Variants in CASTOR2 observed in about 807,000 individuals in gnomAD.
The protein encoded by CASTOR2 is GATS protein like 2.
A neutral mutation model predicts 31.2 loss-of-function variants in CASTOR2; 8 were observed. The ratio of observed to expected loss-of-function variants is 0.26; its 90% CI spans 0.15 to 0.46. The LOEUF (loss-of-function observed/expected upper bound fraction) is 0.46. CASTOR2 is among the 20% of genes least tolerant of loss of function. The probability of loss-of-function intolerance (pLI) is 0.99; values close to 1 mark genes in which losing one functional copy is unlikely to be tolerated. For missense variants in CASTOR2, 216 were observed against 382.1 expected, an observed-to-expected ratio of 0.57 and a Z score of 3.62; for synonymous variants, 162 against 158.7, an observed-to-expected ratio of 1.02 and a Z score of -0.16.
In CASTOR2 at chr7:75,017,679, C is replaced by T; in HGVS notation, c.266C>T (p.Ser89Phe). 1 of 1,614,048 alleles carries T rather than the reference C, an allele frequency of 6.2e-7. No homozygotes were observed. Among genetic ancestry groups the T allele is most frequent in the Non-Finnish European group, 8.5e-7 (1 of 1,179,876 alleles). Reference sequence around the variant, plus strand: ...GTGGTGTCCGGCGGTGGCAGCTTCTCCAGCTCCCAGCCCATCGGCGTGACC... The same window carrying T: ...GTGGTGTCCGGCGGTGGCAGCTTCTTCAGCTCCCAGCCCATCGGCGTGACC... ...LNVVSGGGSF[S>F]SSQPIGVTKI... is the part of the protein sequence containing the mutation. The change falls in exon 3 of 9, where the codon TCC (serine) becomes TTC (phenylalanine). Residue 89 changes from serine to phenylalanine, a missense_variant. Transcript: ENST00000616305.
chr7:75,020,311 C>T (rs1007455297), intron 6 of CASTOR2, among the ~76,000 whole-genome samples, 162 bp downstream of exon 6: 119 of 151,648 alleles, frequency 7.8e-4, no homozygotes, highest in African/African-American at 2.7e-3. Context: ...GGTGCGATCT[C>T]GGCTCAAGGC....
At chr7:75,003,037 C>T (rs1200657289) in intron 1 of CASTOR2, among the ~76,000 whole-genome samples, 1 of 152,128 alleles carries the variant, frequency 6.6e-6, no homozygotes, top group Non-Finnish European at 1.5e-5. Flanking sequence ...GAATGGCCAA[C>T]TGCCCGGCAA....
At chr7:74,989,578 A>ATTTTT (rs34719360) in intron 1 of CASTOR2, among the ~76,000 whole-genome samples, 1 of 131,218 alleles carries the variant, frequency 7.6e-6, no homozygotes. Context: ...GTGTCCGCCT[A>ATTTTT]TTTTTTTTTT....
At chr7:74,997,506 G>A (rs1804380298) in intron 1 of CASTOR2, among the ~76,000 whole-genome samples, 1 of 151,286 alleles carries the variant, frequency 6.6e-6, no homozygotes, top group African/African-American at 2.4e-5. Flanking sequence ...GCTCACTGCA[G>A]CCTCGAACTC....
intron 1 of CASTOR2, among the ~76,000 whole-genome samples, chr7:74,977,179 C>A (rs1270137836): frequency 7.6e-5 from 8 of 104,904 alleles, no homozygotes; most frequent in East Asian, 3.2e-4. Context: ...AGTGAAACTC[C>A]ATCTCAAAAA....
At chr7:75,023,268 A>ACACTG (rs1805048340) in intron 7 of CASTOR2, among the ~76,000 whole-genome samples, 1 of 152,110 alleles carries the variant, frequency 6.6e-6, no homozygotes, top group Non-Finnish European at 1.5e-5. Flanking sequence ...AGATGGCGCC[A>ACACTG]CTGCACTCCA....
intron 1 of CASTOR2, among the ~76,000 whole-genome samples, chr7:74,988,948 A>C: frequency 7.0e-6 from 1 of 143,286 alleles, no homozygotes; most frequent in African/African-American, 2.6e-5. Flanking sequence ...CAGCCATAAC[A>C]CTGGAGGGAA....
At chr7:74,993,155 C>T (rs1354156425) in intron 1 of CASTOR2, among the ~76,000 whole-genome samples, 5 of 152,154 alleles carry the variant, frequency 3.3e-5, no homozygotes, top group South Asian at 2.1e-4. Flanking sequence ...GCAGAGATCG[C>T]GTGACTGCAC....
At chr7:75,012,156 C>T (rs1472440323) in intron 2 of CASTOR2, among the ~76,000 whole-genome samples, 1 of 151,994 alleles carries the variant, frequency 6.6e-6, no homozygotes, top group Non-Finnish European at 1.5e-5. Flanking sequence ...GATGGTATAC[C>T]ACCATGTGTG....
chr7:74,982,511 GTTTCGTCCAC>G (rs1803969685), intron 1 of CASTOR2, among the ~76,000 whole-genome samples: 1 of 146,004 alleles, frequency 6.8e-6, no homozygotes, highest in Admixed American at 6.9e-5. Flanking sequence ...CTTTGGGGCT[GTTTCGTCCAC>G]TAGAGCAGCA....
chr7:74,978,082 GA>G (rs1211353483), intron 1 of CASTOR2, among the ~76,000 whole-genome samples: 1 of 150,214 alleles, frequency 6.7e-6, no homozygotes, highest in African/African-American at 2.4e-5. Flanking sequence ...TTAAAAACCT[GA>G]GGTTTTGCTT....
intron 1 of CASTOR2, among the ~76,000 whole-genome samples, chr7:75,006,262 T>C (rs1292696641): frequency 5.3e-5 from 8 of 152,110 alleles, no homozygotes; most frequent in Non-Finnish European, 4.4e-5. Context: ...CCAGACTAGG[T>C]GATGGAGCAA....
rs1805221184 is a variant in CASTOR2, at chr7:75,028,969, C to T, written c.*4270C>T. Among the ~76,000 whole-genome samples the T allele has an allele frequency of 6.6e-6, 1 of 151,496 alleles. No individual in the cohort carries two copies. The highest frequency in any genetic ancestry group is 2.4e-5 in the African/African-American group (1 of 41,206). ...GTGGGAAAGGAAGGAGCTGGGGGAT[C>T]AGAGGCTTCCAGTGTGGCCTCCGGA... On this transcript the variant is annotated 3_prime_UTR_variant, in exon 9 of 9. Coordinates refer to ENST00000616305, the MANE Select transcript of CASTOR2 (RefSeq NM_001145064.3).
chr7:75,018,259 G>T (rs1804912129), intron 4 of CASTOR2, 137 bp downstream of exon 4: 1 of 1,483,208 alleles, frequency 6.7e-7, no homozygotes, highest in East Asian at 2.5e-5. Flanking sequence ...GATGCAAAGG[G>T]CCCAGTGTGG....
chr7:75,028,203 C>T lies in CASTOR2; in HGVS notation c.*3504C>T. 1.1e-6 allele frequency: 1 copy of T among 893,044 alleles called. No homozygotes were observed. The highest frequency in any genetic ancestry group is 1.6e-6 in the Non-Finnish European group (1 of 609,378). 55.3% of individuals were successfully genotyped at this position (893,044 alleles called of 1,614,324 possible). On this transcript the variant is annotated 3_prime_UTR_variant, in exon 9 of 9. Coordinates refer to ENST00000616305, the MANE Select transcript of CASTOR2 (RefSeq NM_001145064.3). Reference sequence around the variant, plus strand: ...CATGATCTCAGCTCACTGCAGCAACCTCCACTTCCTGGGTTCAAGCGAGTC... The same window carrying T: ...CATGATCTCAGCTCACTGCAGCAACTTCCACTTCCTGGGTTCAAGCGAGTC...
At chr7:74,983,601 G>A (rs1554436463) in intron 1 of CASTOR2, among the ~76,000 whole-genome samples, 23 of 151,748 alleles carry the variant, frequency 1.5e-4, no homozygotes, top group Middle Eastern at 3.4e-3. Context: ...TGTGAGTCGT[G>A]TGCATCTCCT....
chr7:75,019,111 G>A lies in CASTOR2; in HGVS notation c.635+16G>A. ...ACTCCAATGGGTAGGGCTGCCTTGGGCATGAGGGGTTGCAGGGTGGGCCAG... is the reference window on the plus strand; with the variant it reads ...ACTCCAATGGGTAGGGCTGCCTTGGACATGAGGGGTTGCAGGGTGGGCCAG... On this transcript the variant is annotated intron_variant, in intron 5 of 8. Coordinates refer to ENST00000616305, the MANE Select transcript of CASTOR2 (RefSeq NM_001145064.3). The A allele has an allele frequency of 3.2e-6, 5 of 1,551,778 alleles. No homozygotes were observed. Among genetic ancestry groups the A allele is most frequent in the Non-Finnish European group, 4.4e-6 (5 of 1,147,026 alleles).
intron 1 of CASTOR2, among the ~76,000 whole-genome samples, chr7:74,993,101 G>A (rs1166404702): frequency 6.6e-6 from 1 of 152,082 alleles, no homozygotes; most frequent in Non-Finnish European, 1.5e-5. Context: ...TCGGGAGGCT[G>A]AGGCAGGAGA....
At chr7:75,023,104 C>T (rs959922320) in intron 7 of CASTOR2, among the ~76,000 whole-genome samples, 31 of 152,146 alleles carry the variant, frequency 2.0e-4, no homozygotes, top group Non-Finnish European at 3.1e-4. Context: ...GTCAGGAGAT[C>T]GAGATCATCC....
Sources: gnomAD v4.1 joint callset for allele counts (sites outside exome capture counted in the v4.1 genomes callset) on GRCh38, gnomAD v4.1.1 for gene constraint, MANE v1.5 for transcripts, NCBI Gene and HGNC (gene_info 2026-07-23, HGNC 2026-07-21) for gene names.